The following IRAK2 variants were observed in gnomAD, a reference collection of about 807,000 sequenced individuals.
IRAK2 encodes the protein interleukin-1 receptor-associated kinase-like 2.
A neutral mutation model predicts 72.0 loss-of-function variants in IRAK2; 57 were observed. The ratio of observed to expected loss-of-function variants is 0.79; its 90% CI spans 0.64 to 0.99. The LOEUF is 0.99. Ranked by LOEUF, IRAK2 falls within the 50% of genes least tolerant of loss-of-function variation. The pLI is 0.00. For synonymous variants in IRAK2, 293 were observed against 312.7 expected (o/e 0.94, Z 0.67); for missense variants, 790 against 794.4 (o/e 0.99, Z 0.07).
rs1271356847 is a variant in IRAK2, at chr3:10,181,682, GT to G, written c.277+3663del. On this transcript the variant is annotated intron_variant, in intron 2 of 12. Coordinates refer to ENST00000256458, the MANE Select transcript of IRAK2 (RefSeq NM_001570.4). ...GCATAAATGCCCAACAACAATAACT[GT>G]CACGGAAGACTCTACAAAAACCACA... Among the ~76,000 whole-genome samples the G allele has an allele frequency of 2.0e-5, 3 of 152,220 alleles. No homozygotes were observed. In the South Asian group the frequency reaches 6.2e-4, roughly 32 times the overall value.
chr3:10,197,384 C>CAAAAAA (rs992602301), intron 2 of IRAK2, among the ~76,000 whole-genome samples: 3 of 114,274 alleles, frequency 2.6e-5, no homozygotes, highest in Admixed American at 9.4e-5. Context: ...GACTCTGTCT[C>CAAAAAA]AAAAAAAAAA....
intron 2 of IRAK2, among the ~76,000 whole-genome samples, chr3:10,178,592 GCTAT>G (rs1191364506): frequency 1.3e-5 from 2 of 152,054 alleles, no homozygotes; most frequent in Non-Finnish European, 2.9e-5. Context: ...TTAAATTTGG[GCTAT>G]CTGTTCCAAA....
intron 3 of IRAK2, among the ~76,000 whole-genome samples, chr3:10,201,456 C>T (rs910998593): frequency 2.6e-5 from 4 of 152,250 alleles, no homozygotes; most frequent in African/African-American, 7.2e-5. Context: ...TCCTCCCCTC[C>T]ATCAGTCACA....
intron 3 of IRAK2, among the ~76,000 whole-genome samples, chr3:10,208,279 A>C (rs1042977744): frequency 6.6e-6 from 1 of 152,018 alleles, no homozygotes; most frequent in Non-Finnish European, 1.5e-5. Flanking sequence ...CCTGATTGGC[A>C]TGAGGATTAG....
chr3:10,235,630 T>A (rs1044064552), intron 11 of IRAK2, among the ~76,000 whole-genome samples: 2 of 152,160 alleles, frequency 1.3e-5, no homozygotes, highest in African/African-American at 4.8e-5. Flanking sequence ...CCCCCACCTG[T>A]GACTCGGACC....
chr3:10,238,913 C>A lies in IRAK2; in HGVS notation c.1639C>A (p.Pro547Thr). 1 of 1,614,086 alleles carries A rather than the reference C, an allele frequency of 6.2e-7. No homozygotes were observed. The highest frequency in any genetic ancestry group is 8.5e-7 in the Non-Finnish European group (1 of 1,179,974). The change falls in exon 12 of 13, where the codon CCC (proline) becomes ACC (threonine). Residue 547 changes from proline to threonine, a missense_variant. Transcript: ENST00000256458. The part of the protein sequence containing the change: ...LDASSSMSVA[P>T]WAGAATPLLP... ...TGCCTCCTCCTCCATGAGTGTGGCA[C>A]CCTGGGCAGGGGCTGCCACCCCACT... is the stretch of plus-strand genomic sequence containing the variant.
intron 11 of IRAK2, among the ~76,000 whole-genome samples, chr3:10,237,976 A>T (rs1354253446): frequency 2.9e-5 from 4 of 136,484 alleles, no homozygotes; most frequent in African/African-American, 7.9e-5. Context: ...TGAAGAAGAA[A>T]CATTCCTTCC....
At chr3:10,236,352 T>TG (rs1389427301) in intron 11 of IRAK2, among the ~76,000 whole-genome samples, 1 of 148,660 alleles carries the variant, frequency 6.7e-6, no homozygotes, top group Non-Finnish European at 1.5e-5. Flanking sequence ...GTTTTTTTTT[T>TG]TTTTTTTTTT....
rs1473447077 is a variant in IRAK2, at chr3:10,218,438, A to C, written c.904-1242A>C. Among the ~76,000 whole-genome samples the C allele has an allele frequency of 1.4e-3, 191 of 135,080 alleles. 1 individual carries two copies. The highest frequency in any genetic ancestry group is 4.1e-3 in the African/African-American group (151 of 36,416). 88.6% of individuals were successfully genotyped at this position (135,080 alleles called of 152,430 possible). On this transcript the variant is annotated intron_variant, in intron 7 of 12. Transcript: ENST00000256458. ...GACTCCGTCTCAAAAAAAAAAAAAA[A>C]AAAAAAACCAAAACGGTGATGATTT... is the stretch of plus-strand genomic sequence containing the variant.
chr3:10,184,892 G>A (rs1697026791), intron 2 of IRAK2, among the ~76,000 whole-genome samples: 1 of 139,136 alleles, frequency 7.2e-6, no homozygotes, highest in Non-Finnish European at 1.5e-5. Flanking sequence ...ACCATGCCCG[G>A]CTATTTTTTT....
chr3:10,208,797 C>T (rs1397555739), intron 3 of IRAK2, among the ~76,000 whole-genome samples: 9 of 151,706 alleles, frequency 5.9e-5, no homozygotes, highest in Admixed American at 2.0e-4. Context: ...TTTGTAGAAA[C>T]GGGATCTTGT....
chr3:10,185,780 G>A (rs550592994), intron 2 of IRAK2, among the ~76,000 whole-genome samples: 22 of 151,584 alleles, frequency 1.5e-4, no homozygotes, highest in African/African-American at 4.4e-4. Context: ...GGAGGCTGAC[G>A]CAGGAGAATT....
intron 2 of IRAK2, among the ~76,000 whole-genome samples, chr3:10,199,478 C>T (rs1697320392): frequency 6.6e-6 from 1 of 152,126 alleles, no homozygotes; most frequent in African/African-American, 2.4e-5. Flanking sequence ...TGGTACAGCC[C>T]GTCCTCAGTG....
rs1196078955 is a variant in IRAK2, at chr3:10,238,845, A to G, written c.1571A>G (p.Asn524Ser). ...GLSEGTGSSS[N>S]TPEETDDVDN... ...TCTGAGGGTACAGGCTCTTCTTCCA[A>G]CACCCCAGAGGAAACAGACGACGTT... The change falls in exon 12 of 13, where the codon AAC (asparagine) becomes AGC (serine). Residue 524 changes from asparagine (N) to serine (S), a missense_variant. Transcript: ENST00000256458. 5 of 1,613,974 alleles carry G rather than the reference A, an allele frequency of 3.1e-6. No individual in the cohort carries two copies.
chr3:10,200,050 A>C (rs1697331919), intron 2 of IRAK2, among the ~76,000 whole-genome samples: 1 of 151,708 alleles, frequency 6.6e-6, no homozygotes, highest in African/African-American at 2.4e-5. Flanking sequence ...ACCATGCCCA[A>C]CTAATTTTTG....
At chr3:10,177,225 C>T (rs769714540) in intron 1 of IRAK2, among the ~76,000 whole-genome samples, 2 of 152,204 alleles carry the variant, frequency 1.3e-5, no homozygotes, top group Non-Finnish European at 2.9e-5. Context: ...TGAGCCGCTG[C>T]ACCTGGCCTC....
At chr3:10,233,793 A>G (rs1697905379) in intron 10 of IRAK2, among the ~76,000 whole-genome samples, 1 of 152,062 alleles carries the variant, frequency 6.6e-6, no homozygotes, top group South Asian at 2.1e-4. Context: ...GTCAGATGTC[A>G]CTCTCTGTGC....
At chr3:10,171,195 C>T (rs571951517) in intron 1 of IRAK2, among the ~76,000 whole-genome samples, 11 of 152,272 alleles carry the variant, frequency 7.2e-5, no homozygotes, top group African/African-American at 2.2e-4. Flanking sequence ...CAGAGGGGCT[C>T]GGCGCAGGGG....
chr3:10,166,024 C>A lies in IRAK2; in HGVS notation c.94+976C>A, dbSNP rs1222618655. 1.3e-5 allele frequency among the ~76,000 whole-genome samples: 2 copies of A among 151,834 alleles called. 1 individual carries two copies. Among genetic ancestry groups the A allele is most frequent in the African/African-American group, 4.8e-5 (2 of 41,356 alleles). On this transcript the variant is annotated intron_variant, in intron 1 of 12. Coordinates refer to ENST00000256458, the MANE Select transcript of IRAK2 (RefSeq NM_001570.4). Reference sequence around the variant, plus strand: ...GATTACAGGCATGAGCCACCGCGCCCGGCCTCCGGAACTCTTGATCTCAGG... The same window carrying A: ...GATTACAGGCATGAGCCACCGCGCCAGGCCTCCGGAACTCTTGATCTCAGG...
Sources: gnomAD v4.1 joint callset for allele counts (sites outside exome capture counted in the v4.1 genomes callset) on GRCh38, gnomAD v4.1.1 for gene constraint, MANE v1.5 for transcripts, NCBI Gene and HGNC (gene_info 2026-07-23, HGNC 2026-07-21) for gene names.